PCDHGA7: variants seen among roughly 807,000 people sequenced by gnomAD.
PCDHGA7 encodes protocadherin gamma subfamily A, 7, also known as protocadherin gamma-A7.
PCDHGA7 carries 44 observed loss-of-function variants against 58.3 expected under a neutral mutation model. The ratio of observed to expected loss-of-function variants is 0.75; its 90% CI spans 0.59 to 0.97. The LOEUF (loss-of-function observed/expected upper bound fraction) is 0.97. Among genes scored for constraint, PCDHGA7 ranks in the 50% least tolerant of loss-of-function variants. The pLI is 0.00. For missense variants in PCDHGA7, 1,266 were observed against 1,188.7 expected, an observed-to-expected ratio of 1.06 and a Z score of -0.96; for synonymous variants, 516 against 504.2, an observed-to-expected ratio of 1.02 and a Z score of -0.31.
chr5:141,457,023 A>G (rs1339517071), intron 1 of PCDHGA7, among the ~76,000 whole-genome samples: 1 of 152,228 alleles, frequency 6.6e-6, no homozygotes, highest in Non-Finnish European at 1.5e-5. Flanking sequence ...AAAAAGTCCT[A>G]GTAGACTCAG....
rs1024686607 is a variant in PCDHGA7, at chr5:141,487,597, T to C, written c.2425-7210T>C. 6.2e-7 allele frequency: 1 copy of C among 1,614,178 alleles called. No homozygotes were observed. The highest frequency in any genetic ancestry group is 8.5e-7 in the Non-Finnish European group (1 of 1,180,040). ...TTCGCCCAAGCTGCCCACCCTCTGA[T>C]CTTCTCTATGGGCTAGAGGTGAGAC... On this transcript the variant is annotated intron_variant, in intron 1 of 3. Coordinates refer to ENST00000518325, the MANE Select transcript of PCDHGA7 (RefSeq NM_018920.4). The surrounding 1 kb of genome is among the most constrained non-coding windows in gnomAD (Gnocchi z 5.0).
chr5:141,404,180 C>A (rs774534952), intron 1 of PCDHGA7: 10 of 1,613,196 alleles, frequency 6.2e-6, no homozygotes, highest in Non-Finnish European at 8.5e-6. Flanking sequence ...GGCCCAAATT[C>A]TTGACCGAGA....
At chr5:141,399,511 C>T in intron 1 of PCDHGA7, 1 of 1,614,042 alleles carries the variant, frequency 6.2e-7, no homozygotes, top group Non-Finnish European at 8.5e-7. Context: ...CGAAAACAAC[C>T]CTCCTGGGGC....
chr5:141,383,926 A>T lies in PCDHGA7; in HGVS notation c.1027A>T (p.Asn343Tyr). The change falls in exon 1 of 4, where the codon AAT becomes TAT. Residue 343 changes from asparagine to tyrosine, a missense_variant. Coordinates refer to ENST00000518325, the MANE Select transcript of PCDHGA7 (RefSeq NM_018920.4). ...VLITVLDVND[N>Y]APEVTMTSLS... ...GATCACAGTTTTAGATGTAAATGAT[A>T]ATGCTCCAGAAGTGACTATGACGTC... is the stretch of plus-strand genomic sequence containing the variant. 6.2e-7 allele frequency: 1 copy of T among 1,613,888 alleles called. No homozygotes were observed.
intron 1 of PCDHGA7, among the ~76,000 whole-genome samples, chr5:141,488,613 A>C (rs1214413025): frequency 1.3e-5 from 2 of 152,158 alleles, no homozygotes; most frequent in Non-Finnish European, 2.9e-5. Flanking sequence ...GTTCTTACTA[A>C]TCTTTTCTCT....
rs749937052 is a variant in PCDHGA7, at chr5:141,490,441, G to A, written c.2425-4366G>A. ...CCTGCCATTTCAGATTAAGCCTTCT[G>A]AGAACCACTACTCGCTGCTAACCAG... On this transcript the variant is annotated intron_variant, in intron 1 of 3. Coordinates refer to ENST00000518325, the MANE Select transcript of PCDHGA7 (RefSeq NM_018920.4). The surrounding 1 kb of genome is among the most constrained non-coding windows in gnomAD (Gnocchi z 5.4). The A allele has an allele frequency of 9.3e-6, 15 of 1,614,208 alleles. No homozygotes were observed. The highest frequency in any genetic ancestry group is 1.2e-5 in the Non-Finnish European group (14 of 1,180,042).
intron 1 of PCDHGA7, among the ~76,000 whole-genome samples, chr5:141,438,629 TATATATACACAC>T (rs1343412075): frequency 0.05 from 2,378 of 47,602 alleles, 22 homozygotes; most frequent in African/African-American, 0.12. Context: ...TATATATATA[TATATATACACAC>T]ACACACACAC....
intron 1 of PCDHGA7, chr5:141,426,414 G>A (rs2096934345): frequency 3.5e-6 from 1 of 287,986 alleles, no homozygotes; most frequent in Admixed American, 4.4e-5. Context: ...AAACGGTCCA[G>A]GGCTCCGTGG....
intron 1 of PCDHGA7, chr5:141,415,740 G>GTTTTTTTTTTTTTTTTTTT (rs57426385): frequency 1.1e-5 from 7 of 625,046 alleles, no homozygotes; most frequent in Admixed American, 7.1e-5. Context: ...GTTTATTAAG[G>GTTTTTTTTTTTTTTTTTTT]TTTTTTTTTT....
At chr5:141,495,286 A>T (rs1341490472) in intron 2 of PCDHGA7, among the ~76,000 whole-genome samples, 2 of 152,088 alleles carry the variant, frequency 1.3e-5, no homozygotes, top group Non-Finnish European at 2.9e-5. Context: ...GGCGGTCCGC[A>T]CTCAGCGCCT....
At position 141,431,590 on chromosome 5, in the gene PCDHGA7, G is replaced by A; in HGVS notation, c.2424+46267G>A. On this transcript the variant is annotated intron_variant, in intron 1 of 3. Transcript: ENST00000518325. The surrounding 1 kb of genome is among the most constrained non-coding windows in gnomAD (Gnocchi z 4.8). ...CTGACGAAGGAGTCAATGCGGAAGT[G>A]AGGTATTCCTTCCGGTATGTGGACG... 1.2e-6 allele frequency: 2 copies of A among 1,614,240 alleles called. No homozygotes were observed. Among genetic ancestry groups the A allele is most frequent in the South Asian group, 1.1e-5 (1 of 91,090 alleles).
chr5:141,478,259 T>A lies in PCDHGA7; in HGVS notation c.2425-16548T>A, dbSNP rs534973741. ...GGTCACAGTGTTCGGAGTAATCATA[T>A]TCAAAGTTTACAAGTGGAAGCAGTC... On this transcript the variant is annotated intron_variant, in intron 1 of 3. Transcript: ENST00000518325. 3.2e-5 allele frequency: 52 copies of A among 1,614,064 alleles called. No individual in the cohort carries two copies. The highest frequency in any genetic ancestry group is 4.4e-5 in the Non-Finnish European group (52 of 1,180,048).
At position 141,385,580 on chromosome 5, in the gene PCDHGA7, A is replaced by G. The variant is rs2090291043; in HGVS notation, c.2424+257A>G. On this transcript the variant is annotated intron_variant, in intron 1 of 3. Transcript: ENST00000518325. Reference sequence around the variant, plus strand: ...ATAATTTCCACCTACTTTCCAATCTATGTTCCAACCTACTTTCTTAACTCA... The same window carrying G: ...ATAATTTCCACCTACTTTCCAATCTGTGTTCCAACCTACTTTCTTAACTCA... The G allele has an allele frequency of 4.7e-6, 6 of 1,280,456 alleles. No individual in the cohort carries two copies. The South Asian group carries it at 1.2e-4, about 25-fold the overall frequency. The allele number at this position is 1,280,456 out of a possible 1,614,324, so 79.3% of individuals were successfully genotyped here.
intron 1 of PCDHGA7, chr5:141,410,254 C>T: frequency 3.1e-6 from 5 of 1,614,020 alleles, no homozygotes; most frequent in Non-Finnish European, 3.4e-6. Flanking sequence ...TCTCTGACCC[C>T]CAGGCTGAAC....
chr5:141,418,236 T>C, intron 1 of PCDHGA7: 8 of 1,614,030 alleles, frequency 5.0e-6, no homozygotes, highest in Non-Finnish European at 6.8e-6. Flanking sequence ...ATTGAGGATG[T>C]TAATGACCAC....
At position 141,419,268 on chromosome 5, in the gene PCDHGA7, C is replaced by T. The variant is rs1240259934; in HGVS notation, c.2424+33945C>T. 6.2e-6 allele frequency: 10 copies of T among 1,614,050 alleles called. No homozygotes were observed. The East Asian group carries it at 2.2e-4, about 36-fold the overall frequency. ...CCAGAAAACAACCAGCCGGGTGCCT[C>T]CATAGCGCAAGTCAGTGCCTCTGAC... is the stretch of plus-strand genomic sequence containing the variant. On this transcript the variant is annotated intron_variant, in intron 1 of 3. Transcript: ENST00000518325.
At chr5:141,408,438 C>G (rs749271632) in intron 1 of PCDHGA7, 8 of 1,613,896 alleles carry the variant, frequency 5.0e-6, no homozygotes, top group Non-Finnish European at 5.9e-6. Flanking sequence ...AGCGTAGACG[C>G]GGAGAGCGGG....
intron 1 of PCDHGA7, chr5:141,413,378 T>G (rs2095632557): frequency 6.2e-7 from 1 of 1,613,616 alleles, no homozygotes; most frequent in Non-Finnish European, 8.5e-7. Context: ...GAGCGCGGAG[T>G]CCGCATAGTC....
chr5:141,428,757 G>T (rs1216855355), intron 1 of PCDHGA7: 1 of 154,176 alleles, frequency 6.5e-6, no homozygotes, highest in Non-Finnish European at 1.4e-5. Context: ...CTTCAGGTTT[G>T]TTTGCCCACT....
Sources: allele counts gnomAD v4.1 joint callset (sites outside exome capture counted in the v4.1 genomes callset), GRCh38; gene constraint gnomAD v4.1.1; non-coding constraint Gnocchi (gnomAD v3.1); transcripts MANE v1.5; gene names NCBI Gene and HGNC (gene_info 2026-07-23, HGNC 2026-07-21).